BRCA1: variants seen among roughly 807,000 people sequenced by gnomAD.
BRCA1 encodes breast cancer type 1 susceptibility protein.
BRCA1 carries 140 observed loss-of-function variants against 173.7 expected under a neutral mutation model. The observed-to-expected ratio is 0.81, with a 90% CI of 0.70 to 0.93. BRCA1 has a LOEUF of 0.93. BRCA1 is among the 40% of genes least tolerant of loss of function. The probability of loss-of-function intolerance (pLI) is 0.00; values close to 1 mark genes in which losing one functional copy is unlikely to be tolerated. For synonymous variants in BRCA1, 662 were observed against 756.0 expected, an observed-to-expected ratio of 0.88 and a Z score of 2.04; for missense variants, 1,983 against 2,172.5, an observed-to-expected ratio of 0.91 and a Z score of 1.73.
intron 6 of BRCA1, 81 bp from the exon 7 acceptor site, chr17:43,099,961 G>C: frequency 9.1e-7 from 1 of 1,099,304 alleles, no homozygotes; most frequent in Non-Finnish European, 1.4e-6. Flanking sequence ...TTGACACCAT[G>C]GACAAAATAA....
At chr17:43,169,459 C>T (rs2056301358) in intron 1 of BRCA1, among the ~76,000 whole-genome samples, 1 of 152,162 alleles carries the variant, frequency 6.6e-6, no homozygotes, top group Non-Finnish European at 1.5e-5. Flanking sequence ...AAGCCACCAT[C>T]CCCGGCGACC....
intron 14 of BRCA1, among the ~76,000 whole-genome samples, chr17:43,073,717 TTGTC>T (rs758603985): frequency 2.0e-5 from 3 of 152,032 alleles, no homozygotes; most frequent in Non-Finnish European, 2.9e-5. Flanking sequence ...CTTTGGACTC[TTGTC>T]TAACAGTTGA....
intron 2 of BRCA1, 84 bp from the exon 3 acceptor site, chr17:43,115,863 T>A (rs2055272980): frequency 7.1e-7 from 1 of 1,411,466 alleles, no homozygotes. Flanking sequence ...GTGAATAAGT[T>A]CAACTTTGAG....
chr17:43,143,391 T>C (rs1342258887), intron 1 of BRCA1, among the ~76,000 whole-genome samples: 2 of 152,110 alleles, frequency 1.3e-5, no homozygotes, highest in Non-Finnish European at 1.5e-5. Context: ...AGCAAACTCA[T>C]GGAAACCGAT....
rs66499067 is a variant in BRCA1, at chr17:43,096,467, G to C, written c.594-545C>G. Among the ~76,000 whole-genome samples the C allele has an allele frequency of 0.3, 44,670 of 150,284 alleles. 7,172 individuals carry two copies. The highest frequency in any genetic ancestry group is 0.49 in the South Asian group (2,321 of 4,738). ...TATACCTGTAGTCCCAGCTACTCGT[G>C]AGATTGAGACAGGAGAATCGCTTGA... On this transcript the variant is annotated intron_variant, in intron 8 of 22. Coordinates refer to ENST00000357654, the MANE Select transcript of BRCA1 (RefSeq NM_007294.4).
rs1597810455 is a variant in BRCA1 at position 43,057,057 on chromosome 17, T to C, written c.5272A>G (p.Arg1758Gly). The C allele has an allele frequency of 2.5e-6, 4 of 1,614,048 alleles. No homozygotes were observed. Among genetic ancestry groups the C allele is most frequent in the Non-Finnish European group, 1.7e-6 (2 of 1,179,920 alleles). Reference protein sequence around the residue: ...GPKRARESQDRKIFRGLEICC... With the variant: ...GPKRARESQDGKIFRGLEICC... ...CTTGAGGGAGGGAGCTTTACCTTTC[T>C]GTCCTGGGATTCTCTTGCTCGCTTT... Residue 1758 changes from arginine to glycine, a missense_variant, in exon 19 of 23, where the codon AGA becomes GGA. By Grantham distance (125) the Arg-to-Gly change is moderately radical. Coordinates refer to ENST00000357654, the MANE Select transcript of BRCA1 (RefSeq NM_007294.4).
At position 43,091,052 on chromosome 17, in the gene BRCA1, G is replaced by A. The variant is rs80358169; in HGVS notation, c.4097-20C>T. The A allele has an allele frequency of 5.0e-6, 8 of 1,603,810 alleles. No individual in the cohort carries two copies. The highest frequency in any genetic ancestry group is 2.2e-5 in the East Asian group (1 of 44,766). ...CTTCACCTTAAATAACAAAAACAGAGGTTCAGATGTAAAAGCAGACTATAA... is the reference window on the plus strand; with the variant it reads ...CTTCACCTTAAATAACAAAAACAGAAGTTCAGATGTAAAAGCAGACTATAA... On this transcript the variant is annotated intron_variant, in intron 10 of 22. Transcript: ENST00000357654.
intron 19 of BRCA1, among the ~76,000 whole-genome samples, chr17:43,052,738 T>G (rs2051291712): frequency 6.6e-6 from 1 of 150,720 alleles, no homozygotes; most frequent in South Asian, 2.1e-4. Context: ...GATGGCCTTT[T>G]AGAAAGTGGT....
rs1567781334 is a variant in BRCA1 at position 43,079,204 on chromosome 17, A to AAAAC, written c.4358-2591_4358-2590insGTTT. On this transcript the variant is annotated intron_variant, in intron 12 of 22. Coordinates refer to ENST00000357654, the MANE Select transcript of BRCA1 (RefSeq NM_007294.4). ...AAAAACAAAACAAAACAAAACAAAAAAAATGAAAGGCAGAGGGAAGGCTCA... is the reference window on the plus strand; with the variant it reads ...AAAAACAAAACAAAACAAAACAAAAAAAACAAATGAAAGGCAGAGGGAAGGCTCA... The AAAAC allele has an allele frequency of 4.3e-5, 33 of 763,548 alleles. 1 individual carries two copies. The highest frequency in any genetic ancestry group is 1.5e-4 in the South Asian group (10 of 66,340). 47.3% of individuals were successfully genotyped at this position (763,548 alleles called of 1,614,324 possible).
chr17:43,129,210 G>A (rs1427173151), upstream of BRCA1, among the ~76,000 whole-genome samples: 2 of 152,180 alleles, frequency 1.3e-5, no homozygotes, highest in Non-Finnish European at 2.9e-5. Context: ...GAGCAGGTAG[G>A]GTTAACCATA....
intron 11 of BRCA1, among the ~76,000 whole-genome samples, chr17:43,084,400 A>G (rs908666874): frequency 1.3e-5 from 2 of 151,928 alleles, no homozygotes; most frequent in Admixed American, 6.6e-5. Flanking sequence ...TCCTGACCTC[A>G]GGTGATCTGC....
At chr17:43,073,434 T>G (rs1030287002) in intron 14 of BRCA1, among the ~76,000 whole-genome samples, 2 of 152,110 alleles carry the variant, frequency 1.3e-5, no homozygotes, top group East Asian at 3.9e-4. Context: ...CTAAGTAGAA[T>G]GTATGAGATT....
chr17:43,091,187 T>A, intron 10 of BRCA1, 155 bp from the exon 11 acceptor site: 1 of 924,464 alleles, frequency 1.1e-6, no homozygotes, highest in Non-Finnish European at 1.7e-6. Context: ...TTTGCTTTTA[T>A]AAAATGAAAC....
intron 3 of BRCA1, among the ~76,000 whole-genome samples, chr17:43,109,897 TC>T (rs1357396428): frequency 1.3e-5 from 2 of 151,342 alleles, no homozygotes; most frequent in African/African-American, 2.4e-5. Context: ...AGGATTCGAA[TC>T]TTTTTTTTTT....
At chr17:43,072,053 T>C (rs1490308150) in intron 14 of BRCA1, among the ~76,000 whole-genome samples, 1 of 151,342 alleles carries the variant, frequency 6.6e-6, no homozygotes, top group East Asian at 2.0e-4. Flanking sequence ...AAAGTTTATG[T>C]AAAATGACTA....
chr17:43,045,648 C>T lies in BRCA1; in HGVS notation c.*30G>A. The T allele has an allele frequency of 6.2e-7, 1 of 1,613,648 alleles. No homozygotes were observed. The highest frequency in any genetic ancestry group is 1.7e-4 in the Middle Eastern group (1 of 6,012). The stretch of plus-strand genomic sequence containing the variant: ...ACTTTGTAAGCTCATTCTTGGGGTC[C>T]TGTGGCTCTGTACCTGTGGCTGGCT... On this transcript the variant is annotated 3_prime_UTR_variant, in exon 23 of 23. Transcript: ENST00000357654.
chr17:43,113,248 C>T (rs1415715807), intron 3 of BRCA1, among the ~76,000 whole-genome samples: 2 of 152,170 alleles, frequency 1.3e-5, no homozygotes, highest in African/African-American at 2.4e-5. Flanking sequence ...ATCCCTTCTG[C>T]CTCCTCTTGG....
intron 2 of BRCA1, chr17:43,119,363 G>C (rs2055443911): frequency 4.4e-6 from 1 of 224,826 alleles, no homozygotes; most frequent in African/African-American, 2.2e-5. Context: ...TGTAATCATG[G>C]GGTTTTTGAC....
At chr17:43,051,148 G>A (rs199858368) in intron 19 of BRCA1, 31 bp from the exon 20 acceptor site, 14 of 1,593,762 alleles carry the variant, frequency 8.8e-6, no homozygotes, top group Non-Finnish European at 1.1e-5. Flanking sequence ...AGAGGGACAG[G>A]GGAATGGAGA....
Sources: allele counts gnomAD v4.1 joint callset (sites outside exome capture counted in the v4.1 genomes callset), GRCh38; gene constraint gnomAD v4.1.1; transcripts MANE v1.5; gene names NCBI Gene and HGNC (gene_info 2026-07-23, HGNC 2026-07-21).